The following MAP3K15 variants were observed in gnomAD, a reference collection of about 807,000 sequenced individuals.
MAP3K15 encodes the protein MAPK/ERK kinase kinase 15.
MAP3K15 carries 124 observed loss-of-function variants against 99.5 expected under a neutral mutation model. That is an observed-to-expected ratio of 1.25 (90% CI 1.08 to 1.45). The LOEUF is 1.45. Among genes scored for constraint, MAP3K15 ranks in the 40% most tolerant of loss-of-function variants. The probability of loss-of-function intolerance (pLI) is 0.00; values close to 1 mark genes in which losing one functional copy is unlikely to be tolerated. For synonymous variants in MAP3K15, 494 were observed against 439.6 expected, an observed-to-expected ratio of 1.12 and a Z score of -1.55; for missense variants, 1,242 against 1,079.7, an observed-to-expected ratio of 1.15 and a Z score of -2.11.
chrX:19,492,847 A>T (rs958713047), intron 1 of MAP3K15, among the ~76,000 whole-genome samples: 1 of 110,241 alleles, frequency 9.1e-6, no homozygotes, highest in African/African-American at 3.3e-5. Flanking sequence ...GGCGCCTGTA[A>T]TCCCAGCTAC....
intron 3 of MAP3K15, among the ~76,000 whole-genome samples, 189 bp downstream of exon 3, chrX:19,486,293 A>G (rs1000308218): frequency 4.5e-5 from 5 of 111,857 alleles, no homozygotes; most frequent in East Asian, 2.8e-4. Context: ...CACTGCCTCA[A>G]TGGCTGAGTG....
In MAP3K15 at chrX:19,456,975, C is replaced by T; in HGVS notation, c.933G>A (p.Leu311=). The change falls in exon 6 of 29, where the codon CTG becomes CTA. Residue 311 remains leucine, a synonymous_variant. Coordinates refer to ENST00000338883, the MANE Select transcript of MAP3K15 (RefSeq NM_001001671.4). ...MVKLVETLEM[L]PTCDLADQHN... Reference sequence around the variant, plus strand: ...GCTGATCGGCCAAATCACACGTAGGCAGCATCTCCAGTGTTTCCACCAGCT... The same window carrying T: ...GCTGATCGGCCAAATCACACGTAGGTAGCATCTCCAGTGTTTCCACCAGCT... 8.3e-7 allele frequency: 1 copy of T among 1,199,350 alleles called. No homozygotes were observed. The highest frequency in any genetic ancestry group is 1.8e-5 in the South Asian group (1 of 56,779).
intron 1 of MAP3K15, among the ~76,000 whole-genome samples, chrX:19,500,778 CTT>C (rs1210709105): frequency 8.9e-6 from 1 of 112,299 alleles, no homozygotes; most frequent in Non-Finnish European, 1.9e-5. Flanking sequence ...ACATAGAAGA[CTT>C]TTAAAACAGT....
At chrX:19,402,820 A>C (rs917470279) in intron 13 of MAP3K15, among the ~76,000 whole-genome samples, 11 of 110,393 alleles carry the variant, frequency 1.0e-4, no homozygotes, top group Non-Finnish European at 1.1e-4. Flanking sequence ...GCACACCACC[A>C]CGCCCAGCTA....
At chrX:19,363,704 G>T (rs1011630543) in intron 25 of MAP3K15, among the ~76,000 whole-genome samples, 1 of 107,981 alleles carries the variant, frequency 9.3e-6, no homozygotes, top group Non-Finnish European at 1.9e-5. Context: ...CCAGGCTGGA[G>T]TGCAGTGGCA....
intron 22 of MAP3K15, 88 bp downstream of exon 22, chrX:19,372,565 G>T: frequency 1.1e-6 from 1 of 885,606 alleles, no homozygotes; most frequent in Non-Finnish European, 1.6e-6. Flanking sequence ...CAGGGCGGCA[G>T]GAACTGAGGT....
intron 13 of MAP3K15, among the ~76,000 whole-genome samples, chrX:19,402,405 C>T: frequency 9.0e-6 from 1 of 111,307 alleles, no homozygotes; most frequent in East Asian, 2.8e-4. Flanking sequence ...TTGGAAAACT[C>T]TTGGCAGTAT....
At chrX:19,460,196 G>A (rs183862130) in intron 4 of MAP3K15, 43 bp from the exon 5 acceptor site, 1,016 of 1,007,805 alleles carry the variant, frequency 1.0e-3, no homozygotes, top group Non-Finnish European at 1.2e-3. Context: ...ACATCTGCAC[G>A]CACCCAGGAC....
At chrX:19,415,607 G>A (rs1021487875) in intron 9 of MAP3K15, among the ~76,000 whole-genome samples, 8 of 111,561 alleles carry the variant, frequency 7.2e-5, no homozygotes, top group African/African-American at 2.3e-4. Context: ...TATGAACTGC[G>A]CAGCTCCACT....
chrX:19,402,773 TC>T (rs1396942124), intron 13 of MAP3K15, among the ~76,000 whole-genome samples: 2 of 111,188 alleles, frequency 1.8e-5, no homozygotes, highest in East Asian at 5.6e-4. Flanking sequence ...CAAGCAATCC[TC>T]CCACCTCATC....
intron 13 of MAP3K15, 88 bp downstream of exon 13, chrX:19,407,100 T>C: frequency 1.9e-6 from 1 of 525,039 alleles, no homozygotes; most frequent in Non-Finnish European, 3.0e-6. Flanking sequence ...AAGACAGTAA[T>C]AGCAAGTAAA....
intron 3 of MAP3K15, among the ~76,000 whole-genome samples, chrX:19,467,001 C>CT (rs1298061919): frequency 2.7e-5 from 3 of 110,107 alleles, no homozygotes; most frequent in Non-Finnish European, 3.8e-5. Flanking sequence ...TACACACAAA[C>CT]TTTTTTTTTA....
chrX:19,476,822 C>T (rs2064246226), intron 3 of MAP3K15, among the ~76,000 whole-genome samples: 1 of 111,785 alleles, frequency 8.9e-6, no homozygotes, highest in South Asian at 3.7e-4. Flanking sequence ...AACTGAATGG[C>T]CATCACAAAG....
intron 2 of MAP3K15, among the ~76,000 whole-genome samples, 187 bp downstream of exon 2, chrX:19,488,641 A>G (rs2064345939): frequency 9.0e-6 from 1 of 111,709 alleles, no homozygotes; most frequent in African/African-American, 3.3e-5. Context: ...GTACGACTGT[A>G]GCACAGATGC....
At chrX:19,465,662 G>A (rs1340643859) in intron 3 of MAP3K15, among the ~76,000 whole-genome samples, 1 of 110,033 alleles carries the variant, frequency 9.1e-6, no homozygotes, top group Non-Finnish European at 1.9e-5. Flanking sequence ...GCTGAGGCAG[G>A]AGAATCACTT....
chrX:19,395,276 A>C, intron 15 of MAP3K15, 68 bp from the exon 16 acceptor site: 2 of 1,068,865 alleles, frequency 1.9e-6, no homozygotes, highest in Non-Finnish European at 2.6e-6. Flanking sequence ...ATCTCACCTC[A>C]CCAGGACCTG....
intron 4 of MAP3K15, among the ~76,000 whole-genome samples, chrX:19,461,237 C>A (rs1162216341): frequency 8.9e-6 from 1 of 112,181 alleles, no homozygotes; most frequent in Non-Finnish European, 1.9e-5. Context: ...CCTCGGCCTC[C>A]CAAAGTGCTG....
At chrX:19,407,359 C>A in intron 12 of MAP3K15, 76 bp from the exon 13 acceptor site, 1 of 541,049 alleles carries the variant, frequency 1.8e-6, no homozygotes, top group Non-Finnish European at 2.8e-6. Context: ...ATCTTTTCTT[C>A]TATTTTATCA....
intron 13 of MAP3K15, among the ~76,000 whole-genome samples, chrX:19,405,486 C>T (rs887466295): frequency 1.8e-5 from 2 of 112,365 alleles, no homozygotes; most frequent in East Asian, 2.8e-4. Context: ...TGAACTCTTT[C>T]AGGTGAAAGG....
Sources: gnomAD v4.1 joint callset for allele counts (sites outside exome capture counted in the v4.1 genomes callset) on GRCh38, gnomAD v4.1.1 for gene constraint, MANE v1.5 for transcripts, NCBI Gene and HGNC (gene_info 2026-07-23, HGNC 2026-07-21) for gene names.